The following FAT4 variants were observed in gnomAD, a reference collection of about 807,000 sequenced individuals.
FAT4 encodes protocadherin Fat 4.
Under a neutral mutation model 303.9 loss-of-function variants are expected in FAT4, and 84 were observed. That is an observed-to-expected ratio of 0.28 (90% CI 0.23 to 0.33). FAT4 has a LOEUF of 0.33. Among genes scored for constraint, FAT4 ranks in the 10% least tolerant of loss-of-function variants. The probability of loss-of-function intolerance (pLI) is 1.00; values close to 1 mark genes in which losing one functional copy is unlikely to be tolerated. For synonymous variants in FAT4, 2,307 were observed against 2,298.8 expected (o/e 1.00, Z -0.10); for missense variants, 6,005 against 6,146.8 (o/e 0.98, Z 0.77).
chr4:125,453,100 T>C lies in FAT4; in HGVS notation c.11800+290T>C, dbSNP rs111403863. On this transcript the variant is annotated intron_variant, in intron 10 of 17. Transcript: ENST00000394329. ...GTTTTCTCAGGTGATTCAGTTACTT[T>C]GCTGTAATGTCACTATTCAAGTCTA... 0.025 allele frequency among the ~76,000 whole-genome samples: 3,768 copies of C among 152,206 alleles called. 162 individuals carry two copies. The highest frequency in any genetic ancestry group is 0.087 in the African/African-American group (3,620 of 41,520).
chr4:125,448,348 G>A, intron 9 of FAT4, 113 bp from the exon 10 acceptor site: 4 of 972,860 alleles, frequency 4.1e-6, no homozygotes, highest in Admixed American at 2.4e-5. Context: ...TAGTAATCAT[G>A]AGAAAATAAG....
chr4:125,447,742 C>T (rs1183691213), intron 9 of FAT4, among the ~76,000 whole-genome samples: 4 of 152,034 alleles, frequency 2.6e-5, no homozygotes, highest in African/African-American at 9.7e-5. Context: ...CATATTTTTA[C>T]GACAATCTGT....
chr4:125,398,270 T>A (rs1332866116), intron 2 of FAT4, among the ~76,000 whole-genome samples: 1 of 152,110 alleles, frequency 6.6e-6, no homozygotes, highest in Non-Finnish European at 1.5e-5. Flanking sequence ...AAAGATGTAT[T>A]TTTCTTCCCA....
In FAT4 at chr4:125,476,919, A is replaced by G. The variant is rs114355200; in HGVS notation, c.12300-236A>G. Among the ~76,000 whole-genome samples, 309 of 152,234 alleles carry G rather than the reference A, an allele frequency of 2.0e-3. 2 individuals carry two copies. Among genetic ancestry groups the G allele is most frequent in the African/African-American group, 6.8e-3 (283 of 41,550 alleles). On this transcript the variant is annotated intron_variant, in intron 13 of 17. Transcript: ENST00000394329. ...TGTTGACTCAGTATTGTGATAATAT[A>G]CATCTAACTTGACTAATTGAAAACA... is the stretch of plus-strand genomic sequence containing the variant.
At chr4:125,482,587 T>G (rs1246262269) in intron 16 of FAT4, among the ~76,000 whole-genome samples, 1 of 152,106 alleles carries the variant, frequency 6.6e-6, no homozygotes, top group Non-Finnish European at 1.5e-5. Context: ...CTACTGATAA[T>G]TTTTTATATA....
In FAT4 at chr4:125,477,544, CATAT is replaced by C. The variant is rs34261234; in HGVS notation, c.12479+227_12479+230del. 223,776 of 353,054 alleles carry C rather than the reference CATAT, an allele frequency of 0.63. 59,414 individuals carry two copies. The highest frequency in any genetic ancestry group is 0.68 in the East Asian group (16,414 of 24,010). 21.9% of individuals were successfully genotyped at this position (353,054 alleles called of 1,614,324 possible). A position where few individuals can be genotyped will look rare whatever the true frequency, so the allele number is the denominator to read the frequency against. On this transcript the variant is annotated intron_variant, in intron 14 of 17. Coordinates refer to ENST00000394329, the MANE Select transcript of FAT4 (RefSeq NM_001291303.3). ...ATTAATATGTTTCTAGATTCTTATA[CATAT>C]ATATATATATATATATGCATGTGGG...
intron 2 of FAT4, among the ~76,000 whole-genome samples, chr4:125,350,035 T>C (rs891229621): frequency 5.9e-5 from 9 of 151,704 alleles, no homozygotes; most frequent in African/African-American, 2.2e-4. Context: ...TTCTATACAA[T>C]GGAGTTTGGT....
At position 125,451,321 on chromosome 4, in the gene FAT4, C is replaced by T. The variant is rs762632698; in HGVS notation, c.10311C>T (p.Pro3437=). The T allele has an allele frequency of 1.5e-5, 24 of 1,614,120 alleles. No individual in the cohort carries two copies. In the Middle Eastern group the frequency reaches 6.6e-4, roughly 44 times the overall value. ...FVSAFDSDSI[P]SWSRFSYFIG... ...GTGCCTTTGACTCAGACTCCATCCC[C>T]AGCTGGAGCAGGTTTTCTTACTTCA... The change falls in exon 10 of 18, where the codon CCC becomes CCT. Residue 3437 remains proline, a synonymous_variant. Transcript: ENST00000394329.
At chr4:125,469,230 T>C (rs1333911891) in intron 12 of FAT4, among the ~76,000 whole-genome samples, 3 of 152,168 alleles carry the variant, frequency 2.0e-5, no homozygotes, top group Non-Finnish European at 2.9e-5. Context: ...TGTTAAAAAA[T>C]GGTAACAATA....
rs1489755007 is a variant in FAT4 at position 125,315,209 on chromosome 4, A to T, written c.-781A>T. Among the ~76,000 whole-genome samples, 1 of 151,886 alleles carries T rather than the reference A, an allele frequency of 6.6e-6. No individual in the cohort carries two copies. The highest frequency in any genetic ancestry group is 1.5e-5 in the Non-Finnish European group (1 of 67,954). On this transcript the variant is annotated 5_prime_UTR_variant, in exon 1 of 18. Transcript: ENST00000394329. ...CCAACCTTCGGCCCCGGCCGGCGAG[A>T]GGGAGAGCGCTGACAGGCGCCGTCC...
chr4:125,363,561 T>C (rs1004374755), intron 2 of FAT4, among the ~76,000 whole-genome samples: 1 of 152,056 alleles, frequency 6.6e-6, no homozygotes, highest in Non-Finnish European at 1.5e-5. Flanking sequence ...AGTGGTATGA[T>C]CTCGGCTCAC....
chr4:125,359,152 G>A (rs1732550344), intron 2 of FAT4, among the ~76,000 whole-genome samples: 1 of 152,074 alleles, frequency 6.6e-6, no homozygotes, highest in Non-Finnish European at 1.5e-5. Context: ...TCACATAGTA[G>A]CACATTTAAT....
At position 125,405,993 on chromosome 4, in the gene FAT4, C is replaced by G. The variant is rs149635802; in HGVS notation, c.5308-887C>G. Among the ~76,000 whole-genome samples the G allele has an allele frequency of 6.2e-4, 94 of 152,140 alleles. No homozygotes were observed. The East Asian group carries it at 0.01, about 17-fold the overall frequency. ...ATCCCATAGATTGCCTTTTCATTTTCTCGACTGTTTACTGTAGAGAAACTT... is the reference window on the plus strand; with the variant it reads ...ATCCCATAGATTGCCTTTTCATTTTGTCGACTGTTTACTGTAGAGAAACTT... On this transcript the variant is annotated intron_variant, in intron 3 of 17. Coordinates refer to ENST00000394329, the MANE Select transcript of FAT4 (RefSeq NM_001291303.3).
Position 125,462,633 on chromosome 4 carries a change from C to T in FAT4, c.11801-930C>T, listed in dbSNP as rs549710195. Among the ~76,000 whole-genome samples, 16 of 152,064 alleles carry T rather than the reference C, an allele frequency of 1.1e-4. No homozygotes were observed. The South Asian group carries it at 3.1e-3, about 30-fold the overall frequency. ...CTTATACTCCAAGTTTTATACACCA[C>T]GTGATCAACTACCATAGTTTTGTGA... On this transcript the variant is annotated intron_variant, in intron 10 of 17. Transcript: ENST00000394329.
Position 125,491,149 on chromosome 4 carries a change from A to G in FAT4, c.14333A>G (p.Gln4778Arg). The G allele has an allele frequency of 6.2e-7, 1 of 1,614,186 alleles. No individual in the cohort carries two copies. The highest frequency in any genetic ancestry group is 1.7e-5 in the Admixed American group (1 of 60,028). Residue 4778 changes from glutamine to arginine, a missense_variant, in exon 18 of 18, where the codon CAG (glutamine) becomes CGG (arginine). Coordinates refer to ENST00000394329, the MANE Select transcript of FAT4 (RefSeq NM_001291303.3). ...PGSRLKQPIG[Q>R]IPLESSPPVG... ...AGTCGCCTAAAGCAGCCGATTGGGC[A>G]GATTCCACTGGAATCTTCTCCTCCA... is the stretch of plus-strand genomic sequence containing the variant.
chr4:125,406,734 A>G, intron 3 of FAT4, 146 bp from the exon 4 acceptor site: 1 of 786,092 alleles, frequency 1.3e-6, no homozygotes, highest in Non-Finnish European at 2.0e-6. Context: ...TAGTAAGTTT[A>G]TCTCTCATTA....
At chr4:125,406,566 A>G (rs753442871) in intron 3 of FAT4, among the ~76,000 whole-genome samples, 6 of 152,154 alleles carry the variant, frequency 3.9e-5, no homozygotes, top group Admixed American at 3.9e-4. Flanking sequence ...AATTGTATTG[A>G]ATTTGTAAAT....
chr4:125,354,269 A>T (rs1732344885), intron 2 of FAT4, among the ~76,000 whole-genome samples: 1 of 151,722 alleles, frequency 6.6e-6, no homozygotes, highest in African/African-American at 2.4e-5. Flanking sequence ...GTTTTAATAT[A>T]AGGGATTTTT....
chr4:125,434,533 T>C, intron 8 of FAT4, 108 bp downstream of exon 8: 1 of 928,482 alleles, frequency 1.1e-6, no homozygotes, highest in Non-Finnish European at 1.6e-6. Context: ...TTAACACATA[T>C]CCTCTTCTTG....
Sources: allele counts gnomAD v4.1 joint callset (sites outside exome capture counted in the v4.1 genomes callset), GRCh38; gene constraint gnomAD v4.1.1; transcripts MANE v1.5; gene names NCBI Gene and HGNC (gene_info 2026-07-23, HGNC 2026-07-21).